AGBL4: variants seen among roughly 807,000 people sequenced by gnomAD.
AGBL4 encodes cytosolic carboxypeptidase 6.
A neutral mutation model predicts 66.4 loss-of-function variants in AGBL4; 58 were observed. That is an observed-to-expected ratio of 0.87 (90% CI 0.71 to 1.09). AGBL4 has a LOEUF of 1.09. Among genes scored for constraint, AGBL4 ranks in the 50% least tolerant of loss-of-function variants. AGBL4 has a pLI of 0.00. For missense variants in AGBL4, 579 were observed against 631.0 expected (o/e 0.92, Z 0.88); for synonymous variants, 234 against 222.9 (o/e 1.05, Z -0.44).
At chr1:48,534,860 G>A (rs1010009615) in intron 13 of AGBL4, 30 bp downstream of exon 13, 22 of 1,548,950 alleles carry the variant, frequency 1.4e-5, no homozygotes, top group South Asian at 8.3e-5. Flanking sequence ...TGTTACTTAC[G>A]GGCAATGTCA....
intron 1 of AGBL4, among the ~76,000 whole-genome samples, chr1:49,952,736 C>T (rs1195442969): frequency 1.3e-5 from 2 of 151,778 alleles, no homozygotes; most frequent in Non-Finnish European, 2.9e-5. Context: ...TAATAGATTC[C>T]AAATGATGGT....
chr1:49,093,199 C>T (rs1645031829), intron 4 of AGBL4, among the ~76,000 whole-genome samples: 1 of 152,226 alleles, frequency 6.6e-6, no homozygotes, highest in Admixed American at 6.5e-5. Context: ...ATGTCAGTCC[C>T]CTCCCAGCAT....
chr1:49,175,749 G>A (rs1646818567), intron 4 of AGBL4, among the ~76,000 whole-genome samples: 2 of 152,112 alleles, frequency 1.3e-5, no homozygotes. Flanking sequence ...ATTATAAGTT[G>A]AATTGAAATG....
chr1:49,298,127 T>C (rs1644676851), intron 3 of AGBL4, among the ~76,000 whole-genome samples: 1 of 152,198 alleles, frequency 6.6e-6, no homozygotes, highest in Non-Finnish European at 1.5e-5. Flanking sequence ...CCTGTCCATC[T>C]CTACTACTTC....
At chr1:48,918,215 T>C (rs561519873) in intron 5 of AGBL4, among the ~76,000 whole-genome samples, 1 of 152,266 alleles carries the variant, frequency 6.6e-6, no homozygotes, top group East Asian at 1.9e-4. Context: ...GGCCTCATTA[T>C]CCCCCAGCTC....
chr1:48,968,038 T>C (rs987971012), intron 5 of AGBL4, among the ~76,000 whole-genome samples: 4 of 152,128 alleles, frequency 2.6e-5, no homozygotes, highest in African/African-American at 9.7e-5. Flanking sequence ...TTTTATCCTT[T>C]GAGGGACCTA....
At chr1:49,535,016 C>T (rs1474481658) in intron 3 of AGBL4, among the ~76,000 whole-genome samples, 1 of 152,214 alleles carries the variant, frequency 6.6e-6, no homozygotes, top group Non-Finnish European at 1.5e-5. Flanking sequence ...AAAGACACTC[C>T]TTCCTTCCCC....
At chr1:49,466,737 A>G (rs1646639037) in intron 3 of AGBL4, among the ~76,000 whole-genome samples, 1 of 151,856 alleles carries the variant, frequency 6.6e-6, no homozygotes, top group Non-Finnish European at 1.5e-5. Context: ...TATCTGAAGC[A>G]GCATGAATTT....
chr1:49,845,620 C>T (rs1646120395), intron 2 of AGBL4: 5 of 1,607,536 alleles, frequency 3.1e-6, no homozygotes, highest in South Asian at 1.1e-5. Flanking sequence ...CCAGATCACA[C>T]CACTGATTCA....
At chr1:48,791,243 G>A (rs991411822) in intron 6 of AGBL4, among the ~76,000 whole-genome samples, 4 of 152,032 alleles carry the variant, frequency 2.6e-5, no homozygotes, top group Admixed American at 6.5e-5. Context: ...ATTCATCCTC[G>A]GGCATTAGCT....
At chr1:49,444,629 T>C (rs549232312) in intron 3 of AGBL4, among the ~76,000 whole-genome samples, 1 of 152,146 alleles carries the variant, frequency 6.6e-6, no homozygotes, top group Admixed American at 6.6e-5. Flanking sequence ...GTGTGGAGTA[T>C]CTTTTTCCAT....
chr1:49,742,144 A>G (rs1196048555), intron 2 of AGBL4, among the ~76,000 whole-genome samples: 2 of 152,138 alleles, frequency 1.3e-5, no homozygotes, highest in African/African-American at 4.8e-5. Context: ...TTGTATATCT[A>G]GAAAACCCCA....
chr1:49,846,826 T>C (rs1646159436), intron 2 of AGBL4, among the ~76,000 whole-genome samples: 1 of 152,138 alleles, frequency 6.6e-6, no homozygotes, highest in African/African-American at 2.4e-5. Context: ...AGCAGAAGAA[T>C]TAATACTGTT....
intron 2 of AGBL4, among the ~76,000 whole-genome samples, chr1:49,725,853 T>C (rs1648989718): frequency 6.6e-6 from 1 of 151,926 alleles, no homozygotes; most frequent in African/African-American, 2.4e-5. Context: ...AGAATATATA[T>C]CCTTACTACA....
intron 6 of AGBL4, chr1:48,817,807 A>G (rs549043537): frequency 2.0e-6 from 1 of 502,960 alleles, no homozygotes; most frequent in African/African-American, 1.9e-5. Context: ...TATGTCAGGA[A>G]TAGAAAGTGC....
At chr1:48,685,222 T>C (rs1646513696) in intron 6 of AGBL4, among the ~76,000 whole-genome samples, 1 of 152,242 alleles carries the variant, frequency 6.6e-6, no homozygotes, top group Admixed American at 6.5e-5. Context: ...ATATAAAATC[T>C]CTAATTTCTA....
At chr1:49,221,831 T>A (rs945498545) in intron 4 of AGBL4, among the ~76,000 whole-genome samples, 1 of 152,180 alleles carries the variant, frequency 6.6e-6, no homozygotes, top group Non-Finnish European at 1.5e-5. Context: ...ATACACTTTT[T>A]AATTTTTAGA....
At chr1:48,765,960 T>C (rs1644507812) in intron 6 of AGBL4, among the ~76,000 whole-genome samples, 1 of 152,324 alleles carries the variant, frequency 6.6e-6, no homozygotes, top group East Asian at 1.9e-4. Flanking sequence ...ATTTATTTTC[T>C]TTTTGGGTGA....
intron 3 of AGBL4, among the ~76,000 whole-genome samples, chr1:49,562,200 G>A (rs1644066883): frequency 6.6e-6 from 1 of 152,018 alleles, no homozygotes; most frequent in African/African-American, 2.4e-5. Context: ...TGTAGATTCT[G>A]GATATTAGCC....
Sources: allele counts gnomAD v4.1 joint callset (sites outside exome capture counted in the v4.1 genomes callset), GRCh38; gene constraint gnomAD v4.1.1; transcripts MANE v1.5; gene names NCBI Gene and HGNC (gene_info 2026-07-23, HGNC 2026-07-21).